Variants in GRID1 observed in about 807,000 individuals in gnomAD.
GRID1 encodes the protein glutamate ionotropic receptor delta type subunit 1.
A neutral mutation model predicts 98.0 loss-of-function variants in GRID1; 28 were observed. That is an observed-to-expected ratio of 0.29 (90% CI 0.21 to 0.39). The LOEUF is 0.39. Among genes scored for constraint, GRID1 ranks in the 10% least tolerant of loss-of-function variants. The pLI is 1.00. For synonymous variants in GRID1, 553 were observed against 538.5 expected (o/e 1.03, Z -0.37); for missense variants, 1,111 against 1,340.5 (o/e 0.83, Z 2.67).
intron 13 of GRID1, among the ~76,000 whole-genome samples, chr10:85,631,335 T>G (rs1012836102): frequency 1.3e-5 from 2 of 152,240 alleles, no homozygotes; most frequent in Non-Finnish European, 1.5e-5. Flanking sequence ...CCTGTCCTCA[T>G]GCTGGTTTTT....
chr10:86,034,104 G>A (rs181275671), intron 4 of GRID1, among the ~76,000 whole-genome samples: 8 of 152,282 alleles, frequency 5.3e-5, no homozygotes, highest in African/African-American at 1.7e-4. Context: ...TACAGCTCCC[G>A]CTATGTTGTT....
At chr10:85,770,843 G>C (rs369748674) in intron 8 of GRID1, among the ~76,000 whole-genome samples, 1 of 152,158 alleles carries the variant, frequency 6.6e-6, no homozygotes, top group African/African-American at 2.4e-5. Context: ...CCAAATCTAC[G>C]TCTGATTGGT....
chr10:86,226,111 C>A lies in GRID1; in HGVS notation c.236-19463G>T, dbSNP rs532427279. Among the ~76,000 whole-genome samples the A allele has an allele frequency of 3.9e-5, 6 of 152,062 alleles. No individual in the cohort carries two copies. The East Asian group carries it at 1.2e-3, about 29-fold the overall frequency. Reference sequence around the variant, plus strand: ...ATGAGAAGCAAGAAGAGCGTAAGAACGAAAGGGAAGAAGGACATCCCGGAA... The same window carrying A: ...ATGAGAAGCAAGAAGAGCGTAAGAAAGAAAGGGAAGAAGGACATCCCGGAA... On this transcript the variant is annotated intron_variant, in intron 2 of 15. Coordinates refer to ENST00000327946, the MANE Select transcript of GRID1 (RefSeq NM_017551.3).
chr10:86,046,861 CAAAAAA>C (rs199526669), intron 4 of GRID1, among the ~76,000 whole-genome samples: 1 of 107,688 alleles, frequency 9.3e-6, no homozygotes, highest in Non-Finnish European at 1.9e-5. Context: ...AAGCCCATTT[CAAAAAA>C]AAAAAAAAAA....
chr10:85,962,230 G>A (rs114882165), intron 4 of GRID1, among the ~76,000 whole-genome samples: 116 of 152,198 alleles, frequency 7.6e-4, no homozygotes, highest in African/African-American at 2.6e-3. Flanking sequence ...TTCCCTTCCC[G>A]GCATTCCTTT....
intron 2 of GRID1, chr10:86,264,775 C>T: frequency 2.0e-6 from 1 of 492,776 alleles, no homozygotes; most frequent in Non-Finnish European, 4.2e-6. Context: ...AGACAGACGC[C>T]CAACACAGAG....
chr10:85,878,791 G>T (rs1386649226), intron 5 of GRID1, among the ~76,000 whole-genome samples: 3 of 150,948 alleles, frequency 2.0e-5, no homozygotes, highest in South Asian at 2.1e-4. Context: ...AAATGTAAAT[G>T]GACTAAATGC....
chr10:86,264,691 G>A (rs759242147), intron 2 of GRID1: 3 of 475,440 alleles, frequency 6.3e-6, no homozygotes, highest in African/African-American at 2.0e-5. Context: ...TCCCATGCAG[G>A]AGCCGCTCTG....
chr10:85,937,548 C>A (rs1000928937), intron 4 of GRID1, among the ~76,000 whole-genome samples: 1 of 152,330 alleles, frequency 6.6e-6, no homozygotes, highest in South Asian at 2.1e-4. Flanking sequence ...GTTGACCTGA[C>A]TATATTATCA....
intron 4 of GRID1, among the ~76,000 whole-genome samples, chr10:86,075,382 A>G (rs1474243301): frequency 6.7e-6 from 1 of 149,816 alleles, no homozygotes; most frequent in Non-Finnish European, 1.5e-5. Flanking sequence ...GAAGCCAGAG[A>G]TCAGGGTGAT....
At chr10:86,159,085 G>C (rs754955907) in intron 3 of GRID1, among the ~76,000 whole-genome samples, 1 of 152,028 alleles carries the variant, frequency 6.6e-6, no homozygotes, top group Non-Finnish European at 1.5e-5. Context: ...TGGTAGAGAC[G>C]GGGTTTCACC....
At chr10:86,220,608 G>A (rs1212883767) in intron 2 of GRID1, among the ~76,000 whole-genome samples, 1 of 152,204 alleles carries the variant, frequency 6.6e-6, no homozygotes, top group Non-Finnish European at 1.5e-5. Flanking sequence ...GCATGTCCAA[G>A]GCCATCCTCT....
At chr10:86,286,420 C>T (rs544074364) in intron 2 of GRID1, among the ~76,000 whole-genome samples, 1 of 152,256 alleles carries the variant, frequency 6.6e-6, no homozygotes, top group African/African-American at 2.4e-5. Context: ...GCAAAAGATT[C>T]CACACTTGGG....
intron 4 of GRID1, among the ~76,000 whole-genome samples, chr10:86,010,124 C>T (rs1410656208): frequency 1.3e-5 from 2 of 152,228 alleles, no homozygotes; most frequent in African/African-American, 4.8e-5. Context: ...AGGAAGCCAT[C>T]CTTGACTGCC....
intron 4 of GRID1, among the ~76,000 whole-genome samples, chr10:86,077,814 A>C (rs1225271591): frequency 6.6e-6 from 1 of 152,238 alleles, no homozygotes; most frequent in Non-Finnish European, 1.5e-5. Context: ...TGGGAAAAAA[A>C]ACTCAACCTC....
At chr10:86,292,092 C>G (rs1388099769) in intron 2 of GRID1, among the ~76,000 whole-genome samples, 1 of 152,248 alleles carries the variant, frequency 6.6e-6, no homozygotes, top group Non-Finnish European at 1.5e-5. Context: ...GGAAGCCCCT[C>G]CACAGACACC....
intron 12 of GRID1, among the ~76,000 whole-genome samples, chr10:85,688,862 G>A (rs560078355): frequency 2.6e-5 from 4 of 152,098 alleles, no homozygotes; most frequent in South Asian, 2.1e-4. Flanking sequence ...TGAAGCCTTC[G>A]GAGTGGGTGA....
At chr10:85,746,153 C>A (rs941861109) in intron 8 of GRID1, among the ~76,000 whole-genome samples, 1 of 152,118 alleles carries the variant, frequency 6.6e-6, no homozygotes, top group Non-Finnish European at 1.5e-5. Flanking sequence ...AGGTTGAAAA[C>A]CATACTTGGG....
chr10:86,082,804 CT>C (rs1222269099), intron 4 of GRID1, among the ~76,000 whole-genome samples: 1 of 152,230 alleles, frequency 6.6e-6, no homozygotes, highest in African/African-American at 2.4e-5. Flanking sequence ...AGATTGTCCC[CT>C]CTGCCTGCAC....
Sources: gnomAD v4.1 joint callset for allele counts (sites outside exome capture counted in the v4.1 genomes callset) on GRCh38, gnomAD v4.1.1 for gene constraint, MANE v1.5 for transcripts, NCBI Gene and HGNC (gene_info 2026-07-23, HGNC 2026-07-21) for gene names.